SCN11A: variants seen among roughly 807,000 people sequenced by gnomAD.
SCN11A encodes the protein sodium channel protein type 11 subunit alpha.
A neutral mutation model predicts 162.2 loss-of-function variants in SCN11A; 122 were observed. That is an observed-to-expected ratio of 0.75 (90% CI 0.65 to 0.87). SCN11A has a LOEUF of 0.87. SCN11A is among the 40% of genes least tolerant of loss of function. The pLI is 0.00. For missense variants in SCN11A, 2,015 were observed against 2,181.6 expected (o/e 0.92, Z 1.52); for synonymous variants, 758 against 751.5 (o/e 1.01, Z -0.14).
chr3:38,951,595 G>A (rs1376281375), intron 4 of SCN11A, among the ~76,000 whole-genome samples: 8 of 152,264 alleles, frequency 5.3e-5, no homozygotes, highest in African/African-American at 1.9e-4. Flanking sequence ...GGATCCACTG[G>A]GTGAAGCCAG....
intron 12 of SCN11A, 21 bp downstream of exon 12, chr3:38,910,045 G>T: frequency 5.6e-6 from 9 of 1,610,666 alleles, no homozygotes; most frequent in Non-Finnish European, 7.6e-6. Context: ...AGAGGAAAAA[G>T]AGAGACTATA....
chr3:38,932,030 G>A (rs1372932701), intron 7 of SCN11A, among the ~76,000 whole-genome samples: 1 of 152,124 alleles, frequency 6.6e-6, no homozygotes, highest in Non-Finnish European at 1.5e-5. Context: ...TACCACAAAT[G>A]TTACTATAAA....
chr3:38,987,229 CT>C (rs1046521333), intron 2 of SCN11A, among the ~76,000 whole-genome samples: 2 of 151,484 alleles, frequency 1.3e-5, no homozygotes, highest in Admixed American at 6.6e-5. Context: ...CCTTTCTCCC[CT>C]ATTCCCTCCT....
intron 2 of SCN11A, among the ~76,000 whole-genome samples, chr3:38,984,818 G>A (rs1020248130): frequency 1.8e-4 from 28 of 152,002 alleles, no homozygotes; most frequent in East Asian, 1.9e-4. Context: ...GCTGAAATTC[G>A]TGTTGAGCTT....
At chr3:38,903,703 C>A (rs984730913) in intron 16 of SCN11A, among the ~76,000 whole-genome samples, 162 bp downstream of exon 16, 1 of 152,150 alleles carries the variant, frequency 6.6e-6, no homozygotes, top group Non-Finnish European at 1.5e-5. Flanking sequence ...CTGAAATGAA[C>A]CGGGTAAAAG....
intron 10 of SCN11A, among the ~76,000 whole-genome samples, chr3:38,920,684 C>CAAAA (rs36096755): frequency 5.4e-5 from 3 of 56,002 alleles, no homozygotes; most frequent in Non-Finnish European, 7.5e-5. Flanking sequence ...GACTCCATCT[C>CAAAA]AAAAAAAAAA....
chr3:38,938,725 C>T (rs1197516500), intron 7 of SCN11A, among the ~76,000 whole-genome samples: 8 of 150,498 alleles, frequency 5.3e-5, no homozygotes, highest in South Asian at 2.1e-4. Context: ...CCACCATGCC[C>T]GGCTAATTTT....
intron 2 of SCN11A, among the ~76,000 whole-genome samples, chr3:39,014,512 C>A (rs6785422): frequency 5.9e-5 from 9 of 152,090 alleles, no homozygotes; most frequent in African/African-American, 2.2e-4. Context: ...AGACAATATC[C>A]CAACTTGGTA....
At chr3:38,891,243 GA>G (rs2065494648) in intron 19 of SCN11A, among the ~76,000 whole-genome samples, 1 of 151,974 alleles carries the variant, frequency 6.6e-6, no homozygotes, top group Non-Finnish European at 1.5e-5. Flanking sequence ...AGAAACTTTG[GA>G]GTTGAAAATT....
intron 3 of SCN11A, among the ~76,000 whole-genome samples, 156 bp from the exon 4 acceptor site, chr3:38,953,915 A>G (rs1261692128): frequency 2.6e-5 from 4 of 152,204 alleles, no homozygotes; most frequent in African/African-American, 9.7e-5. Flanking sequence ...ATCCCAATTC[A>G]TTACTTAAAC....
chr3:38,938,527 T>C (rs1301678892), intron 7 of SCN11A, among the ~76,000 whole-genome samples: 14 of 17,134 alleles, frequency 8.2e-4, no homozygotes, highest in Non-Finnish European at 1.2e-3. Flanking sequence ...TATATATATA[T>C]ATATATATAT....
chr3:38,927,807 C>G (rs2125555072), intron 7 of SCN11A, among the ~76,000 whole-genome samples: 1 of 152,248 alleles, frequency 6.6e-6, no homozygotes, highest in Admixed American at 6.5e-5. Context: ...ATGGGGGAAA[C>G]CCTCGCCGTG....
At position 38,863,196 on chromosome 3, in the gene SCN11A, A is replaced by G. The variant is rs760387830; in HGVS notation, c.4055T>C (p.Leu1352Pro). 3.3e-6 allele frequency: 5 copies of G among 1,529,008 alleles called. No individual in the cohort carries two copies. In the Admixed American group the frequency reaches 8.4e-5, roughly 26 times the overall value. 94.7% of individuals were successfully genotyped at this position (1,529,008 alleles called of 1,614,324 possible). Residue 1352 changes from leucine to proline, a missense_variant and splice_region_variant, in exon 28 of 30, where the codon CTG (leucine) becomes CCG (proline). Coordinates refer to ENST00000302328, the MANE Select transcript of SCN11A (RefSeq NM_001349253.2). ...TTACAGTCATTCAATTGCTCTCACCAGAGGCCGTGGAATGGGTTTTTGAGG... is the reference window on the plus strand; with the variant it reads ...TTACAGTCATTCAATTGCTCTCACCGGAGGCCGTGGAATGGGTTTTTGAGG... ...KKPQKPIPRP[L>P]NKCQGLVFDI...
At chr3:38,998,192 A>G (rs2030701824) in intron 2 of SCN11A, among the ~76,000 whole-genome samples, 1 of 152,232 alleles carries the variant, frequency 6.6e-6, no homozygotes, top group Non-Finnish European at 1.5e-5. Context: ...TACTACGTTA[A>G]GGGAAGGAAG....
chr3:38,887,260 G>A (rs1157360770), intron 19 of SCN11A, among the ~76,000 whole-genome samples: 1 of 151,968 alleles, frequency 6.6e-6, no homozygotes, highest in Admixed American at 6.6e-5. Context: ...AAGATTGACT[G>A]CAACTAATTT....
At chr3:38,957,158 C>A (rs1295939370) in intron 3 of SCN11A, among the ~76,000 whole-genome samples, 1 of 151,672 alleles carries the variant, frequency 6.6e-6, no homozygotes, top group African/African-American at 2.4e-5. Context: ...ATTAAATAGT[C>A]CCTGGGCATA....
chr3:38,939,363 C>G (rs551642563), intron 7 of SCN11A, among the ~76,000 whole-genome samples: 1 of 151,478 alleles, frequency 6.6e-6, no homozygotes, highest in Non-Finnish European at 1.5e-5. Flanking sequence ...TCTGGCAATT[C>G]TAATCACAGA....
intron 7 of SCN11A, among the ~76,000 whole-genome samples, chr3:38,937,819 T>C (rs2066361109): frequency 2.0e-5 from 3 of 152,258 alleles, no homozygotes; most frequent in African/African-American, 7.2e-5. Flanking sequence ...GAAGTCAGTG[T>C]GGCGATTCCT....
chr3:38,999,276 G>T (rs186667041), intron 2 of SCN11A, among the ~76,000 whole-genome samples: 1 of 152,032 alleles, frequency 6.6e-6, no homozygotes, highest in Non-Finnish European at 1.5e-5. Flanking sequence ...AACTATAGAC[G>T]AATTCTTAGG....
Sources: allele counts gnomAD v4.1 joint callset (sites outside exome capture counted in the v4.1 genomes callset), GRCh38; gene constraint gnomAD v4.1.1; transcripts MANE v1.5; gene names NCBI Gene and HGNC (gene_info 2026-07-23, HGNC 2026-07-21).